POLG: variants seen among roughly 807,000 people sequenced by gnomAD.
POLG encodes the protein DNA polymerase subunit gamma-1.
A neutral mutation model predicts 155.4 loss-of-function variants in POLG; 110 were observed. The ratio of observed to expected loss-of-function variants is 0.71; its 90% CI spans 0.61 to 0.83. The LOEUF is 0.83. Ranked by LOEUF, POLG falls within the 40% of genes least tolerant of loss-of-function variation. The pLI is 0.00. For synonymous variants in POLG, 701 were observed against 631.5 expected, an observed-to-expected ratio of 1.11 and a Z score of -1.65; for missense variants, 1,685 against 1,627.5, an observed-to-expected ratio of 1.04 and a Z score of -0.61.
At chr15:89,329,149 G>A (rs189018631) in intron 3 of POLG, 39 bp from the exon 4 acceptor site, 1 of 1,567,528 alleles carries the variant, frequency 6.4e-7, no homozygotes, top group Non-Finnish European at 8.7e-7. Context: ...GAAGGAGGGA[G>A]GCTGCAACTG....
Position 89,332,884 on chromosome 15 carries a change from C to T in POLG, c.659+212G>A, listed in dbSNP as rs41545343. 3.1e-3 allele frequency among the ~76,000 whole-genome samples: 473 copies of T among 152,264 alleles called. 2 individuals are homozygous for T. The highest frequency in any genetic ancestry group is 0.011 in the African/African-American group (449 of 41,544). On this transcript the variant is annotated intron_variant, in intron 2 of 22. Transcript: ENST00000268124. ...GTGATTCTCTGCGTGGCCTTTACTG[C>T]CTGACATTTACTTGGGTATTTGCTT... is the stretch of plus-strand genomic sequence containing the variant.
At position 89,322,928 on chromosome 15, in the gene POLG, C is replaced by T. The variant is rs1409677614; in HGVS notation, c.2266-26G>A. 3 of 1,608,608 alleles carry T rather than the reference C, an allele frequency of 1.9e-6. No individual in the cohort carries two copies. In the Admixed American group the frequency reaches 5.0e-5, roughly 27 times the overall value. ...CTGGACAGAGCAAAGGAAGCAGGGG[C>T]TGGAGGCAGGTGGCAGACCCCTGGG... On this transcript the variant is annotated intron_variant, in intron 13 of 22. Coordinates refer to ENST00000268124, the MANE Select transcript of POLG (RefSeq NM_002693.3).
chr15:89,328,389 A>C, intron 6 of POLG, 67 bp downstream of exon 6: 1 of 1,268,076 alleles, frequency 7.9e-7, no homozygotes, highest in East Asian at 2.4e-5. Flanking sequence ...GCGCCACCTG[A>C]TTACAGTGGG....
rs199760610 is a variant in POLG at position 89,333,537 on chromosome 15, G to C, written c.218C>G (p.Pro73Arg). Residue 73 changes from proline (P) to arginine (R), a missense_variant, in exon 2 of 23, where the codon CCA (proline) becomes CGA (arginine). Physicochemically the swap from Pro to Arg is moderately radical, Grantham distance 103 (BLOSUM62 -2). This residue lies in a region of POLG where 1,210 missense variants were observed against 1,167.1 expected (regional missense o/e 1.04). Transcript: ENST00000268124. Reference protein sequence around the residue: ...SSEGGQLRHNPLDIQMLSRGL... With the variant: ...SSEGGQLRHNRLDIQMLSRGL... ...TCTCGAGAGCATCTGGATGTCCAAT[G>C]GGTTGTGCCGCAGCTGCCCGCCCTC... 1 of 1,612,754 alleles carries C rather than the reference G, an allele frequency of 6.2e-7. No homozygotes were observed. Among genetic ancestry groups the C allele is most frequent in the Admixed American group, 1.7e-5 (1 of 60,016 alleles).
intron 9 of POLG, among the ~76,000 whole-genome samples, 171 bp from the exon 10 acceptor site, chr15:89,325,857 T>G (rs1211452614): frequency 6.6e-6 from 1 of 152,116 alleles, no homozygotes; most frequent in East Asian, 1.9e-4. Flanking sequence ...AGGACCCCCA[T>G]GGAATCCTCT....
At chr15:89,320,695 G>GGGA in intron 18 of POLG, 71 bp downstream of exon 18, 1 of 1,545,556 alleles carries the variant, frequency 6.5e-7, no homozygotes, top group Non-Finnish European at 8.9e-7. Flanking sequence ...TAGAACAGAT[G>GGGA]GTAGTACTAA....
chr15:89,328,791 C>T lies in POLG; in HGVS notation c.1064G>A (p.Ser355Asn). 1 of 1,614,174 alleles carries T rather than the reference C, an allele frequency of 6.2e-7. No homozygotes were observed. Among genetic ancestry groups the T allele is most frequent in the Non-Finnish European group, 8.5e-7 (1 of 1,180,052 alleles). ...ATAAAGTCTGTGCACCTCTGCCAGA[C>T]TGTTGACACTGCTGATGTCCAGCCA... ...WDWLDISSVN[S>N]LAEVHRLYVG... The change falls in exon 5 of 23, where the codon AGT (serine) becomes AAT (asparagine). Residue 355 changes from serine to asparagine, a missense_variant. This residue lies in a region of POLG where 1,210 missense variants were observed against 1,167.1 expected (regional missense o/e 1.04). Transcript: ENST00000268124.
At chr15:89,332,252 C>T (rs971450982) in intron 2 of POLG, 2 of 152,224 alleles carry the variant, frequency 1.3e-5, no homozygotes, top group Non-Finnish European at 2.9e-5. Context: ...CCATTTTCAA[C>T]TGCATATTTA....
chr15:89,331,456 G>T (rs1596361076), intron 2 of POLG, among the ~76,000 whole-genome samples: 1 of 152,210 alleles, frequency 6.6e-6, no homozygotes, highest in South Asian at 2.1e-4. Context: ...AGCTGTGCAT[G>T]AAGCCATATT....
intron 2 of POLG, 41 bp downstream of exon 2, chr15:89,333,055 C>T (rs780387412): frequency 1.3e-6 from 2 of 1,500,960 alleles, no homozygotes; most frequent in East Asian, 4.6e-5. Context: ...TTAAGCTGGG[C>T]CCCCATGCCT....
At chr15:89,329,989 G>T in intron 3 of POLG, 92 bp downstream of exon 3, 1 of 1,083,170 alleles carries the variant, frequency 9.2e-7, no homozygotes, top group Non-Finnish European at 1.4e-6. Context: ...ACAGAGACAC[G>T]TGCCAGGAAA....
intron 19 of POLG, 58 bp from the exon 20 acceptor site, chr15:89,319,157 C>CAA (rs2152059619): frequency 1.2e-6 from 2 of 1,614,176 alleles, no homozygotes; most frequent in Non-Finnish European, 8.5e-7. Context: ...AGCTAAAAAA[C>CAA]AAAGCATCCA....
Position 89,334,750 on chromosome 15 carries a change from C to G in POLG, c.-237G>C, listed in dbSNP as rs2055649813. 1 of 152,366 alleles carries G rather than the reference C, an allele frequency of 6.6e-6. No individual in the cohort carries two copies. The highest frequency in any genetic ancestry group is 1.5e-5 in the Non-Finnish European group (1 of 68,122). The allele number at this position is 152,366 out of a possible 1,614,324, so 9.4% of individuals were successfully genotyped here. A position where few individuals can be genotyped will look rare whatever the true frequency, so the allele number is the denominator to read the frequency against. ...GGCACGGCGTCCCCCTTCGCGCGGC[C>G]TACGCAGCCTCGGGGTAGCGTGTGG... is the stretch of plus-strand genomic sequence containing the variant. On this transcript the variant is annotated 5_prime_UTR_variant, in exon 1 of 23. Transcript: ENST00000268124.
rs536522307 is a variant in POLG at position 89,316,843 on chromosome 15, A to G, written c.3644-16T>C. 137 of 1,598,362 alleles carry G rather than the reference A, an allele frequency of 8.6e-5. No individual in the cohort carries two copies. Among genetic ancestry groups the G allele is most frequent in the Non-Finnish European group, 1.1e-4 (126 of 1,165,788 alleles). ...AGCGCTTCACCTGAAAGATAGTGCA[A>G]ATTGGTTAGGATGCCACCTCAAGAA... On this transcript the variant is annotated splice_polypyrimidine_tract_variant and intron_variant, in intron 22 of 22. Coordinates refer to ENST00000268124, the MANE Select transcript of POLG (RefSeq NM_002693.3).
intron 10 of POLG, among the ~76,000 whole-genome samples, chr15:89,325,111 A>AGTGAGT (rs1555453311): frequency 1.6e-4 from 6 of 36,908 alleles, no homozygotes; most frequent in African/African-American, 1.1e-3. Context: ...AGAGTGAGAG[A>AGTGAGT]GAGTGAGTGA....
chr15:89,325,299 G>GTGTGTGTGTGTGTGT lies in POLG; in HGVS notation c.1949+150_1949+151insACACACACACACACA, dbSNP rs2055498559. 5 of 527,470 alleles carry GTGTGTGTGTGTGTGT rather than the reference G, an allele frequency of 9.5e-6. No individual in the cohort carries two copies. In the African/African-American group the frequency reaches 1.4e-4, roughly 14 times the overall value. The allele number at this position is 527,470 out of a possible 1,614,324, so 32.7% of individuals were successfully genotyped here. ...GAGAGAGAGAAAGAGAGAGAGAGAG[G>GTGTGTGTGTGTGTGT]GTGTGTGTGTGTGTGTTAATTTTTT... On this transcript the variant is annotated intron_variant, in intron 10 of 22. Transcript: ENST00000268124.
At chr15:89,323,261 G>A (rs993964748) in intron 13 of POLG, 143 bp downstream of exon 13, 3 of 690,928 alleles carry the variant, frequency 4.3e-6, no homozygotes, top group African/African-American at 3.5e-5. Context: ...AGAGATGACA[G>A]TATGTGCCTG....
chr15:89,332,614 G>C (rs1596361682), intron 2 of POLG, among the ~76,000 whole-genome samples: 1 of 70,334 alleles, frequency 1.4e-5, no homozygotes, highest in Non-Finnish European at 3.9e-5. Context: ...GCAGGGGGGC[G>C]GGGGGGTGTT....
chr15:89,329,811 C>A (rs980664856), intron 3 of POLG, among the ~76,000 whole-genome samples: 2 of 152,168 alleles, frequency 1.3e-5, no homozygotes, highest in African/African-American at 4.8e-5. Flanking sequence ...TGGCTCAAAA[C>A]CTTCAAGACC....
Sources: allele counts gnomAD v4.1 joint callset (sites outside exome capture counted in the v4.1 genomes callset), GRCh38; gene constraint gnomAD v4.1.1; regional missense constraint gnomAD v4.1.1; transcripts MANE v1.5; gene names NCBI Gene and HGNC (gene_info 2026-07-23, HGNC 2026-07-21).